The following EPB41 variants were observed in gnomAD, a reference collection of about 807,000 sequenced individuals.
The protein encoded by EPB41 is protein 4.1.
In EPB41, 65 loss-of-function variants were observed where a neutral mutation model predicts 108.0. The observed-to-expected ratio is 0.60, with a 90% confidence interval of 0.49 to 0.74. EPB41 has a LOEUF of 0.74. EPB41 is among the 30% of genes least tolerant of loss of function. The pLI is 0.00. For missense variants in EPB41, 875 were observed against 1,037.0 expected, an observed-to-expected ratio of 0.84 and a Z score of 2.15; for synonymous variants, 336 against 358.9, an observed-to-expected ratio of 0.94 and a Z score of 0.72.
intron 1 of EPB41, among the ~76,000 whole-genome samples, chr1:28,946,037 C>CG (rs1173077581): frequency 1.3e-5 from 2 of 152,102 alleles, no homozygotes; most frequent in Non-Finnish European, 2.9e-5. Flanking sequence ...CTTTCAGATC[C>CG]ATACTGTGAA....
In EPB41 at chr1:29,070,865, T is replaced by C. The variant is rs1390318618; in HGVS notation, c.2184+5707T>C. On this transcript the variant is annotated intron_variant, in intron 16 of 20. Coordinates refer to ENST00000343067, the MANE Select transcript of EPB41 (RefSeq NM_001376013.1). The stretch of plus-strand genomic sequence containing the variant: ...TTAACAAATTTAAACAAATCAGAAT[T>C]AAGCATATGGCAGGTTGGTAATCTT... 4 of 400,896 alleles carry C rather than the reference T, an allele frequency of 1.0e-5. No individual in the cohort carries two copies. The East Asian group carries it at 1.2e-4, about 12-fold the overall frequency. The allele number at this position is 400,896 out of a possible 1,614,324, so 24.8% of individuals were successfully genotyped here.
chr1:28,997,779 C>A (rs2096215119), intron 4 of EPB41, among the ~76,000 whole-genome samples: 1 of 151,254 alleles, frequency 6.6e-6, no homozygotes, highest in African/African-American at 2.4e-5. Flanking sequence ...GAATAAAATC[C>A]CAATATTATT....
intron 1 of EPB41, among the ~76,000 whole-genome samples, chr1:28,959,297 A>G (rs1007927445): frequency 4.0e-5 from 6 of 149,172 alleles, no homozygotes; most frequent in African/African-American, 1.2e-4. Flanking sequence ...GCTCACTACA[A>G]CCTCTGCCTC....
chr1:29,019,690 TTC>T (rs1419811388), intron 7 of EPB41, among the ~76,000 whole-genome samples: 1 of 152,174 alleles, frequency 6.6e-6, no homozygotes, highest in East Asian at 1.9e-4. Context: ...AAATTATTCT[TTC>T]CAGCCATTGA....
chr1:29,107,476 T>G (rs1667572850), intron 17 of EPB41, among the ~76,000 whole-genome samples: 1 of 152,180 alleles, frequency 6.6e-6, no homozygotes, highest in Non-Finnish European at 1.5e-5. Context: ...AGTTGAATTA[T>G]ATGCTTGGCA....
Position 29,119,808 on chromosome 1 carries a change from G to A in EPB41, c.*2996G>A, listed in dbSNP as rs935732725. On this transcript the variant is annotated 3_prime_UTR_variant, in exon 21 of 21. Transcript: ENST00000343067. Reference sequence around the variant, plus strand: ...GTATTATTTTGGTGACAAAAATGAAGGAGCTTTGTAAATTTTTTTTAAAAT... The same window carrying A: ...GTATTATTTTGGTGACAAAAATGAAAGAGCTTTGTAAATTTTTTTTAAAAT... The A allele has an allele frequency of 2.1e-5, 2 of 94,816 alleles. No homozygotes were observed. Among genetic ancestry groups the A allele is most frequent in the African/African-American group, 3.6e-5 (1 of 27,932 alleles). The allele number at this position is 94,816 out of a possible 1,614,324, so 5.9% of individuals were successfully genotyped here. A position where few individuals can be genotyped will look rare whatever the true frequency, so the allele number is the denominator to read the frequency against.
intron 6 of EPB41, among the ~76,000 whole-genome samples, chr1:29,017,135 TC>T (rs1355538962): frequency 3.9e-5 from 6 of 152,216 alleles, no homozygotes; most frequent in South Asian, 4.1e-4. Flanking sequence ...ATCATCTTTT[TC>T]CGTCTAGGCT....
chr1:29,033,821 TTAAG>T (rs1638357578), intron 9 of EPB41, among the ~76,000 whole-genome samples: 1 of 152,182 alleles, frequency 6.6e-6, no homozygotes, highest in African/African-American at 2.4e-5. Flanking sequence ...ATAAAATTGT[TTAAG>T]TAGGAATTAA....
intron 16 of EPB41, among the ~76,000 whole-genome samples, chr1:29,088,793 G>A (rs975870519): frequency 6.6e-6 from 1 of 152,148 alleles, no homozygotes; most frequent in East Asian, 1.9e-4. Flanking sequence ...CGGGTTTGCT[G>A]TGTGTTATTT....
intron 1 of EPB41, among the ~76,000 whole-genome samples, chr1:28,964,179 C>G (rs554632008): frequency 4.5e-4 from 69 of 152,266 alleles, no homozygotes; most frequent in African/African-American, 1.6e-3. Flanking sequence ...GTGGCTTATG[C>G]CTGTAATCCC....
chr1:29,085,714 C>A (rs1462211038), intron 16 of EPB41, among the ~76,000 whole-genome samples: 1 of 152,032 alleles, frequency 6.6e-6, no homozygotes, highest in African/African-American at 2.4e-5. Context: ...CCACACCTGG[C>A]TAATTTTTTG....
At chr1:28,912,012 C>T (rs2092283984), upstream of EPB41, among the ~76,000 whole-genome samples, 2 of 152,160 alleles carry the variant, frequency 1.3e-5, no homozygotes, top group African/African-American at 4.8e-5. Context: ...TGCCATTGCA[C>T]TCCAGCCTGG....
intron 16 of EPB41, chr1:29,096,514 T>C: frequency 1.0e-6 from 1 of 985,878 alleles, no homozygotes; most frequent in African/African-American, 1.7e-5. Context: ...AAGAACATGT[T>C]ACACCAGGAG....
intron 16 of EPB41, chr1:29,070,323 C>G: frequency 8.2e-7 from 1 of 1,214,478 alleles, no homozygotes; most frequent in East Asian, 3.2e-5. Flanking sequence ...TCATTTTGTT[C>G]ATCTTATTCT....
chr1:28,887,460 G>A lies in EPB41; in HGVS notation c.-8+250G>A. ...TCTGGAGAGGGGGTCCGGGAGCTCG[G>A]ATCCGGAGCTAGACACGTCCGGGTC... On this transcript the variant is annotated intron_variant, in intron 1 of 16. Coordinates refer to the EPB41 transcript ENST00000347529. The surrounding 1 kb of genome is among the most constrained non-coding windows in gnomAD (Gnocchi z 4.9). 1.0e-6 allele frequency: 1 copy of A among 985,288 alleles called. No individual in the cohort carries two copies. Among genetic ancestry groups the A allele is most frequent in the Non-Finnish European group, 1.2e-6 (1 of 829,888 alleles). The allele number at this position is 985,288 out of a possible 1,614,324, so 61.0% of individuals were successfully genotyped here.
intron 12 of EPB41, chr1:29,054,556 A>G (rs1047652769): frequency 1.4e-5 from 2 of 146,114 alleles, no homozygotes; most frequent in Admixed American, 1.4e-4. Flanking sequence ...AAAAAAAAAA[A>G]AAAAACTGTT....
chr1:28,987,765 G>A lies in EPB41; in HGVS notation c.328G>A (p.Glu110Lys), dbSNP rs2095901562. 1 of 1,614,198 alleles carries A rather than the reference G, an allele frequency of 6.2e-7. No homozygotes were observed. The highest frequency in any genetic ancestry group is 8.5e-7 in the Non-Finnish European group (1 of 1,180,048). ...AGTAGAGTCAGATAAAGAAAAAGGT[G>A]AAGGAGGTCAGAAAGAGATAGAATT... Reference protein sequence around the residue: ...KEVESDKEKGEGGQKEIEFGT... With the variant: ...KEVESDKEKGKGGQKEIEFGT... Residue 110 changes from glutamate to lysine, a missense_variant, in exon 2 of 21, where the codon GAA (glutamate) becomes AAA (lysine). This residue lies in a region of EPB41 where 353 missense variants were observed against 393.2 expected (regional missense o/e 0.90). Coordinates refer to ENST00000343067, the MANE Select transcript of EPB41 (RefSeq NM_001376013.1).
chr1:28,963,379 G>GTT, intron 1 of EPB41, among the ~76,000 whole-genome samples: 1 of 142,748 alleles, frequency 7.0e-6, no homozygotes, highest in South Asian at 2.2e-4. Flanking sequence ...GTGTGTGTGT[G>GTT]TGTCTGTGTG....
At chr1:29,101,077 A>G (rs928656415) in intron 17 of EPB41, among the ~76,000 whole-genome samples, 1 of 152,228 alleles carries the variant, frequency 6.6e-6, no homozygotes, top group East Asian at 1.9e-4. Context: ...ATACAAAATT[A>G]GCCGGGCACG....
Sources: gnomAD v4.1 joint callset for allele counts (sites outside exome capture counted in the v4.1 genomes callset) on GRCh38, gnomAD v4.1.1 for gene constraint, gnomAD v4.1.1 regional missense constraint, Gnocchi (gnomAD v3.1) non-coding constraint, MANE v1.5 for transcripts, NCBI Gene and HGNC (gene_info 2026-07-23, HGNC 2026-07-21) for gene names.